The following SYN2 variants were observed in gnomAD, a reference collection of about 807,000 sequenced individuals.
The protein encoded by SYN2 is synapsin II, also known as synapsin-2.
A neutral mutation model predicts 50.9 loss-of-function variants in SYN2; 19 were observed. The ratio of observed to expected loss-of-function variants is 0.37; its 90% CI spans 0.26 to 0.55. The LOEUF (loss-of-function observed/expected upper bound fraction) is 0.55. Among genes scored for constraint, SYN2 ranks in the 20% least tolerant of loss-of-function variants. The pLI is 0.81. For synonymous variants in SYN2, 255 were observed against 224.9 expected (o/e 1.13, Z -1.20); for missense variants, 587 against 576.4 (o/e 1.02, Z -0.19).
At chr3:12,147,612 C>T (rs1398821318) in intron 4 of SYN2, among the ~76,000 whole-genome samples, 3 of 152,148 alleles carry the variant, frequency 2.0e-5, no homozygotes, top group Non-Finnish European at 2.9e-5. Flanking sequence ...CCCACGTGCA[C>T]CCCCGGTACT....
At chr3:12,085,631 A>G (rs1290163552) in intron 1 of SYN2, among the ~76,000 whole-genome samples, 1 of 152,226 alleles carries the variant, frequency 6.6e-6, no homozygotes, top group East Asian at 1.9e-4. Flanking sequence ...GTATGTGGAA[A>G]TTAAACAGTA....
In SYN2 at chr3:12,184,801, G is replaced by A. The variant is rs1303187803; in HGVS notation, c.1369+1429G>A. ...TCAGTGCCTCATCTTGCCATCTCCC[G>A]GCCAGGCTGGGAACGGGCACCAAGC... On this transcript the variant is annotated intron_variant, in intron 11 of 12. Coordinates refer to ENST00000621198, the MANE Select transcript of SYN2 (RefSeq NM_133625.6). 2.5e-5 allele frequency: 25 copies of A among 985,730 alleles called. No individual in the cohort carries two copies. In the South Asian group the frequency reaches 3.3e-4, roughly 13 times the overall value. The allele number at this position is 985,730 out of a possible 1,614,324, so 61.1% of individuals were successfully genotyped here.
chr3:12,060,364 C>G (rs1695086758), intron 1 of SYN2, among the ~76,000 whole-genome samples: 1 of 152,078 alleles, frequency 6.6e-6, no homozygotes, highest in Admixed American at 6.5e-5. Context: ...GACCTACTCT[C>G]CAGAGGAAAA....
intron 11 of SYN2, among the ~76,000 whole-genome samples, chr3:12,186,121 G>A (rs973036545): frequency 4.6e-5 from 7 of 151,046 alleles, no homozygotes; most frequent in Non-Finnish European, 8.8e-5. Flanking sequence ...TCCAGAGGGT[G>A]CAGATGTTCT....
chr3:12,164,040 C>T (rs1433815176), intron 7 of SYN2, among the ~76,000 whole-genome samples: 1 of 152,008 alleles, frequency 6.6e-6, no homozygotes, highest in African/African-American at 2.4e-5. Context: ...ACCACTCCAG[C>T]CTGAGTGACA....
intron 1 of SYN2, among the ~76,000 whole-genome samples, chr3:12,131,950 G>C (rs1375760368): frequency 6.6e-6 from 1 of 151,310 alleles, no homozygotes; most frequent in Non-Finnish European, 1.5e-5. Flanking sequence ...CTAGGACTCT[G>C]TATTAGATTG....
chr3:12,023,202 TAAA>T (rs35299870), intron 1 of SYN2, among the ~76,000 whole-genome samples: 1 of 146,882 alleles, frequency 6.8e-6, no homozygotes, highest in Non-Finnish European at 1.5e-5. Context: ...GCTTTATAAA[TAAA>T]AAAAAAAATC....
At chr3:12,026,188 G>C (rs896716889) in intron 1 of SYN2, among the ~76,000 whole-genome samples, 8 of 152,062 alleles carry the variant, frequency 5.3e-5, no homozygotes, top group African/African-American at 1.9e-4. Context: ...GGATCCTCTG[G>C]ATATTATTAC....
intron 10 of SYN2, 59 bp downstream of exon 10, chr3:12,169,965 A>G (rs761117443): frequency 7.2e-6 from 11 of 1,527,600 alleles, no homozygotes; most frequent in Non-Finnish European, 9.7e-6. Context: ...CCACTCCTCT[A>G]GATGTTGATG....
intron 1 of SYN2, among the ~76,000 whole-genome samples, chr3:12,056,970 A>G (rs1032470334): frequency 6.6e-6 from 1 of 152,198 alleles, no homozygotes; most frequent in Non-Finnish European, 1.5e-5. Context: ...AACAAAAATG[A>G]TAATTCTAAG....
At chr3:12,183,592 C>A in intron 11 of SYN2, 1 of 1,480,384 alleles carries the variant, frequency 6.8e-7, no homozygotes, top group South Asian at 1.4e-5. Flanking sequence ...AGTGTCAGCT[C>A]CTCTGTCTGG....
chr3:12,162,430 A>G (rs918046619), intron 7 of SYN2, among the ~76,000 whole-genome samples: 1 of 152,220 alleles, frequency 6.6e-6, no homozygotes, highest in African/African-American at 2.4e-5. Context: ...TTTGTCACTA[A>G]AGGTGATTAC....
At chr3:12,154,453 T>G in intron 5 of SYN2, 1 of 1,613,942 alleles carries the variant, frequency 6.2e-7, no homozygotes, top group Non-Finnish European at 8.5e-7. Context: ...GGACCTGACC[T>G]TCAAGGGGAG....
chr3:12,138,513 AGAT>A (rs1696947955), intron 1 of SYN2, among the ~76,000 whole-genome samples: 1 of 152,220 alleles, frequency 6.6e-6, no homozygotes. Context: ...GTAAGCACCT[AGAT>A]GTAAACTCTT....
intron 1 of SYN2, among the ~76,000 whole-genome samples, chr3:12,014,992 A>G (rs1693998058): frequency 6.6e-6 from 1 of 152,250 alleles, no homozygotes; most frequent in Admixed American, 6.5e-5. Flanking sequence ...GTACACAGCA[A>G]GCATTCATGA....
intron 1 of SYN2, among the ~76,000 whole-genome samples, chr3:12,058,835 A>C (rs1361949934): frequency 4.6e-5 from 7 of 152,212 alleles, no homozygotes; most frequent in Non-Finnish European, 1.5e-5. Context: ...TCATCTCCTG[A>C]GAGTCCCTTC....
chr3:12,055,827 T>C (rs1195869516), intron 1 of SYN2, among the ~76,000 whole-genome samples: 1 of 152,156 alleles, frequency 6.6e-6, no homozygotes, highest in Non-Finnish European at 1.5e-5. Flanking sequence ...AAAATTAGAG[T>C]ATTACCGTTT....
chr3:12,025,254 T>C (rs1694232195), intron 1 of SYN2, among the ~76,000 whole-genome samples: 1 of 152,160 alleles, frequency 6.6e-6, no homozygotes, highest in African/African-American at 2.4e-5. Context: ...AATGGGGGAT[T>C]AGGGCTTTAA....
In SYN2 at chr3:12,004,833, C is replaced by T. The variant is rs1693757213; in HGVS notation, c.282C>T (p.Ala94=). The change falls in exon 1 of 13, where the codon GCC becomes GCT. Residue 94 remains alanine, a synonymous_variant. Transcript: ENST00000621198. ...TGTCCCAAGCCGTGAAGCAGACGGC[C>T]GCCTCGGCTGGCCTGGTGGACGCGC... ...SSLSQAVKQT[A]ASAGLVDAPA... 22 of 495,788 alleles carry T rather than the reference C, an allele frequency of 4.4e-5. No individual in the cohort carries two copies. In the South Asian group the frequency reaches 5.9e-4, roughly 13 times the overall value. 30.7% of individuals were successfully genotyped at this position (495,788 alleles called of 1,614,324 possible).
Sources: allele counts gnomAD v4.1 joint callset (sites outside exome capture counted in the v4.1 genomes callset), GRCh38; gene constraint gnomAD v4.1.1; transcripts MANE v1.5; gene names NCBI Gene and HGNC (gene_info 2026-07-23, HGNC 2026-07-21).